PARD3: variants seen among roughly 807,000 people sequenced by gnomAD.
The protein encoded by PARD3 is par-3 family cell polarity regulator.
Under a neutral mutation model 155.4 loss-of-function variants are expected in PARD3, and 75 were observed. That is an observed-to-expected ratio of 0.48 (90% confidence interval 0.40 to 0.58). The LOEUF is 0.58. Ranked by LOEUF, PARD3 falls within the 20% of genes least tolerant of loss-of-function variation. The pLI is 0.00. For missense variants in PARD3, 1,642 were observed against 1,721.7 expected (o/e 0.95, Z 0.82); for synonymous variants, 576 against 610.5 (o/e 0.94, Z 0.83).
chr10:34,655,803 G>A (rs2093151840), intron 2 of PARD3, among the ~76,000 whole-genome samples: 1 of 152,130 alleles, frequency 6.6e-6, no homozygotes, highest in Admixed American at 6.5e-5. Flanking sequence ...TGGAGACCAG[G>A]AAATTGGGCT....
At chr10:34,814,850 C>CA in intron 1 of PARD3, 26 bp downstream of exon 1, 2 of 1,391,992 alleles carry the variant, frequency 1.4e-6, no homozygotes, top group Non-Finnish European at 2.0e-6. Context: ...GCCGCCCCCT[C>CA]CCCGCCCGCG....
chr10:34,239,632 T>C (rs542437038), intron 22 of PARD3, among the ~76,000 whole-genome samples: 12 of 152,156 alleles, frequency 7.9e-5, no homozygotes, highest in African/African-American at 1.7e-4. Context: ...TAAAACTTCA[T>C]CTCTGCTAAA....
intron 1 of PARD3, 48 bp downstream of exon 1, chr10:34,814,828 G>T: frequency 7.9e-7 from 1 of 1,258,932 alleles, no homozygotes; most frequent in Non-Finnish European, 1.1e-6. Flanking sequence ...TGATCCCGGC[G>T]CCGTCCCCGC....
chr10:34,182,683 A>C (rs1397720221), intron 22 of PARD3, among the ~76,000 whole-genome samples: 2 of 150,754 alleles, frequency 1.3e-5, no homozygotes, highest in Non-Finnish European at 2.9e-5. Context: ...GTAAATGCAA[A>C]CTCCCTCAGT....
intron 22 of PARD3, among the ~76,000 whole-genome samples, chr10:34,183,694 C>T (rs552036208): frequency 3.3e-5 from 5 of 152,276 alleles, no homozygotes; most frequent in East Asian, 1.9e-4. Flanking sequence ...AATAACACAC[C>T]GTCTCCTCCA....
At chr10:34,598,550 G>A (rs1222533967) in intron 2 of PARD3, among the ~76,000 whole-genome samples, 1 of 152,102 alleles carries the variant, frequency 6.6e-6, no homozygotes, top group Non-Finnish European at 1.5e-5. Flanking sequence ...TTTTTAAATC[G>A]AGGGAAGAGT....
chr10:34,240,430 C>A (rs1424605861), intron 22 of PARD3, among the ~76,000 whole-genome samples: 1 of 152,022 alleles, frequency 6.6e-6, no homozygotes, highest in Non-Finnish European at 1.5e-5. Flanking sequence ...AAGTTTTATA[C>A]AAAAAAGTAT....
At chr10:34,322,643 G>A (rs572490690) in intron 19 of PARD3, among the ~76,000 whole-genome samples, 5 of 151,850 alleles carry the variant, frequency 3.3e-5, no homozygotes, top group Admixed American at 6.6e-5. Context: ...TGTTCAATGG[G>A]TATAAATAGA....
intron 1 of PARD3, among the ~76,000 whole-genome samples, chr10:34,701,263 A>G (rs952587217): frequency 1.3e-5 from 2 of 152,134 alleles, no homozygotes; most frequent in Non-Finnish European, 2.9e-5. Flanking sequence ...GGGTAAAAAC[A>G]TCATATCAAA....
chr10:34,121,644 T>G (rs977873058), intron 23 of PARD3, among the ~76,000 whole-genome samples: 1 of 152,228 alleles, frequency 6.6e-6, no homozygotes, highest in African/African-American at 2.4e-5. Flanking sequence ...GTTCTCTTTC[T>G]GCAAAGCCAG....
intron 2 of PARD3, among the ~76,000 whole-genome samples, chr10:34,590,882 C>A (rs922524592): frequency 2.0e-5 from 3 of 152,150 alleles, no homozygotes; most frequent in Non-Finnish European, 4.4e-5. Context: ...GGAGGCAAAG[C>A]ACCCAAATGC....
At chr10:34,218,273 G>A (rs1256474895) in intron 22 of PARD3, among the ~76,000 whole-genome samples, 2 of 152,188 alleles carry the variant, frequency 1.3e-5, no homozygotes, top group African/African-American at 2.4e-5. Flanking sequence ...AGGAGTTGGA[G>A]GAGTTGGCAC....
chr10:34,143,727 C>A (rs957498033), intron 22 of PARD3, among the ~76,000 whole-genome samples: 3 of 152,110 alleles, frequency 2.0e-5, no homozygotes, highest in African/African-American at 7.2e-5. Context: ...GATATATCAC[C>A]TGTAAGTTTC....
intron 1 of PARD3, among the ~76,000 whole-genome samples, chr10:34,717,924 T>G (rs2094544487): frequency 6.6e-6 from 1 of 151,612 alleles, no homozygotes; most frequent in Admixed American, 6.6e-5. Context: ...GAGGCCGAGA[T>G]GGGTGGACTG....
Position 34,355,932 on chromosome 10 carries a change from A to C in PARD3, c.2067+3215T>G, listed in dbSNP as rs931240617. Among the ~76,000 whole-genome samples, 640 of 126,766 alleles carry C rather than the reference A, an allele frequency of 5.0e-3. 15 individuals are homozygous for C. The highest frequency in any genetic ancestry group is 0.027 in the African/African-American group (609 of 22,680). The allele number at this position is 126,766 out of a possible 152,430, so 83.2% of individuals were successfully genotyped here. A position where few individuals can be genotyped will look rare whatever the true frequency, so the allele number is the denominator to read the frequency against. ...AGAGTGACACTCCGTCTCAAAAAAA[A>C]AAAAAAAAAAAAAACAAAACAAAAC... is the stretch of plus-strand genomic sequence containing the variant. On this transcript the variant is annotated intron_variant, in intron 14 of 24. Transcript: ENST00000374788.
intron 22 of PARD3, among the ~76,000 whole-genome samples, chr10:34,213,405 T>C (rs12763757): frequency 0.028 from 4,190 of 152,246 alleles, 89 homozygotes; most frequent in Non-Finnish European, 0.041. Flanking sequence ...ACGCCCACCA[T>C]GCCCCACCTC....
chr10:34,421,860 G>A (rs1400414504), intron 5 of PARD3, among the ~76,000 whole-genome samples: 1 of 152,134 alleles, frequency 6.6e-6, no homozygotes, highest in African/African-American at 2.4e-5. Context: ...AGGAGACCTG[G>A]GAATACAGAA....
At chr10:34,611,931 C>A (rs987016114) in intron 2 of PARD3, among the ~76,000 whole-genome samples, 1 of 56,640 alleles carries the variant, frequency 1.8e-5, no homozygotes, top group South Asian at 8.2e-4. Context: ...TGCCTCAGCG[C>A]CCCCCCTACC....
At chr10:34,803,010 G>T (rs1221170225) in intron 1 of PARD3, among the ~76,000 whole-genome samples, 1 of 150,210 alleles carries the variant, frequency 6.7e-6, no homozygotes. Context: ...TGGATCACTT[G>T]AGGTCAGGAA....
Sources: gnomAD v4.1 joint callset for allele counts (sites outside exome capture counted in the v4.1 genomes callset) on GRCh38, gnomAD v4.1.1 for gene constraint, MANE v1.5 for transcripts, NCBI Gene and HGNC (gene_info 2026-07-23, HGNC 2026-07-21) for gene names.